RGS7: variants seen among roughly 807,000 people sequenced by gnomAD.
RGS7 encodes regulator of G-protein signaling 7.
A neutral mutation model predicts 81.1 loss-of-function variants in RGS7; 27 were observed. That is an observed-to-expected ratio of 0.33 (90% CI 0.25 to 0.46). RGS7 has a LOEUF of 0.46. RGS7 is among the 20% of genes least tolerant of loss of function. The probability of loss-of-function intolerance (pLI) is 1.00; values close to 1 mark genes in which losing one functional copy is unlikely to be tolerated. For synonymous variants in RGS7, 208 were observed against 207.7 expected, an observed-to-expected ratio of 1.00 and a Z score of -0.01; for missense variants, 396 against 607.4, an observed-to-expected ratio of 0.65 and a Z score of 3.66.
At chr1:241,313,071 G>A (rs2080647244) in intron 2 of RGS7, among the ~76,000 whole-genome samples, 2 of 152,208 alleles carry the variant, frequency 1.3e-5, no homozygotes, top group South Asian at 4.1e-4. Flanking sequence ...AGGCTGAGAG[G>A]TGAGGAAGTC....
intron 2 of RGS7, among the ~76,000 whole-genome samples, chr1:241,142,332 C>T (rs951029780): frequency 1.3e-5 from 2 of 152,206 alleles, no homozygotes; most frequent in Non-Finnish European, 2.9e-5. Flanking sequence ...GGGCTCTGAA[C>T]CTACGTTTCC....
At chr1:241,171,963 T>C (rs2103262305) in intron 2 of RGS7, among the ~76,000 whole-genome samples, 1 of 152,236 alleles carries the variant, frequency 6.6e-6, no homozygotes, top group Middle Eastern at 3.4e-3. Flanking sequence ...ATTTAGTGTC[T>C]GTGCTCTTCT....
At chr1:240,880,881 C>T (rs1666245364) in intron 6 of RGS7, among the ~76,000 whole-genome samples, 1 of 152,060 alleles carries the variant, frequency 6.6e-6, no homozygotes, top group Non-Finnish European at 1.5e-5. Flanking sequence ...GCTAATAATT[C>T]CTTTTCCTCT....
At position 241,126,272 on chromosome 1, in the gene RGS7, CCTG is replaced by C. The variant is rs1381141136; in HGVS notation, c.79-27513_79-27511del. On this transcript the variant is annotated intron_variant, in intron 2 of 18. Transcript: ENST00000440928. Reference sequence around the variant, plus strand: ...TCAAGGAATTCTCCTGCCTCAGCCTCCTGAGTAGCTGGGATTACAGGCATGCGC... The same window carrying C: ...TCAAGGAATTCTCCTGCCTCAGCCTCAGTAGCTGGGATTACAGGCATGCGC... Among the ~76,000 whole-genome samples the C allele has an allele frequency of 6.5e-3, 986 of 152,164 alleles. 19 individuals carry two copies. Among genetic ancestry groups the C allele is most frequent in the East Asian group, 0.06 (309 of 5,164 alleles).
At chr1:240,804,016 A>C (rs1365664769) in intron 15 of RGS7, among the ~76,000 whole-genome samples, 1 of 152,160 alleles carries the variant, frequency 6.6e-6, no homozygotes. Flanking sequence ...AAAGGATGTT[A>C]AGTTTGGAAC....
intron 2 of RGS7, among the ~76,000 whole-genome samples, chr1:241,352,570 C>T (rs532232956): frequency 6.6e-6 from 1 of 152,330 alleles, no homozygotes; most frequent in South Asian, 2.1e-4. Flanking sequence ...TGCCAAAAAC[C>T]TACTGGCCAA....
intron 2 of RGS7, among the ~76,000 whole-genome samples, chr1:241,244,872 C>T (rs1484450278): frequency 6.6e-6 from 1 of 150,584 alleles, no homozygotes; most frequent in African/African-American, 2.4e-5. Context: ...AAACCAAGCA[C>T]CGCATGTTCT....
At chr1:240,954,261 G>A (rs552584745) in intron 4 of RGS7, among the ~76,000 whole-genome samples, 3 of 152,078 alleles carry the variant, frequency 2.0e-5, no homozygotes, top group Non-Finnish European at 2.9e-5. Context: ...TGTAAAGCCA[G>A]CATTAACTTA....
rs187869150 is a variant in RGS7 at position 241,006,785 on chromosome 1, C to G, written c.176-23656G>C. Among the ~76,000 whole-genome samples the G allele has an allele frequency of 4.3e-4, 65 of 152,308 alleles. No individual in the cohort carries two copies. The South Asian group carries it at 4.3e-3, about 10-fold the overall frequency. On this transcript the variant is annotated intron_variant, in intron 3 of 18. Transcript: ENST00000440928. ...GGTGGACTTTCTTCCACCTCTGCCA[C>G]GAAAGATAGCAAGACCAACCCCTCC...
At chr1:240,819,003 A>G (rs1019997310) in intron 10 of RGS7, among the ~76,000 whole-genome samples, 1 of 152,252 alleles carries the variant, frequency 6.6e-6, no homozygotes, top group African/African-American at 2.4e-5. Context: ...TGTTCATTCC[A>G]TGGTATATAT....
chr1:241,258,241 T>G (rs950779617), intron 2 of RGS7, among the ~76,000 whole-genome samples: 2 of 152,074 alleles, frequency 1.3e-5, no homozygotes, highest in African/African-American at 4.8e-5. Context: ...GTGAAACCCA[T>G]TTCCCCTGGG....
chr1:241,212,812 C>T (rs2074322945), intron 2 of RGS7, among the ~76,000 whole-genome samples: 1 of 152,188 alleles, frequency 6.6e-6, no homozygotes. Flanking sequence ...TGTTGTAGGA[C>T]AGCTTTGTGT....
chr1:241,150,392 T>C (rs977942146), intron 2 of RGS7, among the ~76,000 whole-genome samples: 1 of 152,186 alleles, frequency 6.6e-6, no homozygotes, highest in African/African-American at 2.4e-5. Flanking sequence ...CCCCAAGTCC[T>C]TGTTTATCAG....
intron 9 of RGS7, among the ~76,000 whole-genome samples, chr1:240,858,088 CA>C (rs1343430484): frequency 6.6e-6 from 1 of 152,146 alleles, no homozygotes; most frequent in African/African-American, 2.4e-5. Flanking sequence ...TCTTTATTAG[CA>C]GCATGAGAAT....
intron 2 of RGS7, among the ~76,000 whole-genome samples, chr1:241,194,081 C>T (rs922381710): frequency 6.6e-6 from 1 of 152,164 alleles, no homozygotes; most frequent in African/African-American, 2.4e-5. Flanking sequence ...TGTCTATATT[C>T]GTTAGACAGC....
chr1:240,999,961 G>A (rs1318624835), intron 3 of RGS7, among the ~76,000 whole-genome samples: 1 of 152,158 alleles, frequency 6.6e-6, no homozygotes, highest in Non-Finnish European at 1.5e-5. Flanking sequence ...ATGCGATTCT[G>A]GGTTGTCGTT....
chr1:241,196,991 T>TAAAAAAAAAAA (rs34557484), intron 2 of RGS7, among the ~76,000 whole-genome samples: 5 of 132,576 alleles, frequency 3.8e-5, no homozygotes, highest in Non-Finnish European at 6.3e-5. Context: ...CAAAAGAATG[T>TAAAAAAAAAAA]AAAAAAAAAA....
chr1:240,934,385 T>C (rs1198003150), intron 5 of RGS7, among the ~76,000 whole-genome samples: 1 of 152,234 alleles, frequency 6.6e-6, no homozygotes, highest in Non-Finnish European at 1.5e-5. Context: ...TTCACTTCGG[T>C]GTAATAAAGA....
intron 14 of RGS7, among the ~76,000 whole-genome samples, chr1:240,811,060 G>A (rs1013106802): frequency 4.6e-5 from 7 of 152,150 alleles, no homozygotes; most frequent in South Asian, 2.1e-4. Context: ...TGAAAAGAAC[G>A]TGACCATGCC....
Sources: gnomAD v4.1 joint callset for allele counts (sites outside exome capture counted in the v4.1 genomes callset) on GRCh38, gnomAD v4.1.1 for gene constraint, MANE v1.5 for transcripts, NCBI Gene and HGNC (gene_info 2026-07-23, HGNC 2026-07-21) for gene names.